The following CTU1 variants were observed in gnomAD, a reference collection of about 807,000 sequenced individuals.
CTU1 encodes the protein cytoplasmic tRNA 2-thiolation protein 1.
CTU1 carries 15 observed loss-of-function variants against 12.9 expected under a neutral mutation model. That is an observed-to-expected ratio of 1.16 (90% CI 0.78 to 1.79). CTU1 has a LOEUF of 1.79. Ranked by LOEUF, CTU1 falls within the 40% of genes most tolerant of loss-of-function variation. CTU1 has a pLI of 0.00. For synonymous variants in CTU1, 295 were observed against 275.6 expected (o/e 1.07, Z -0.70); for missense variants, 553 against 550.5 (o/e 1.00, Z -0.05).
Position 51,107,102 on chromosome 19 carries a change from G to A in CTU1, c.-22+1245C>T, listed in dbSNP as rs1007807858. On this transcript the variant is annotated intron_variant, in intron 1 of 2. Coordinates refer to ENST00000421832, the MANE Select transcript of CTU1 (RefSeq NM_145232.4). ...AGTCACCCAGTCCTGGGGGGTCCAC[G>A]TCCTGAGGAAGGGAGACGCTCGCAG... Among the ~76,000 whole-genome samples, 10 of 152,230 alleles carry A rather than the reference G, an allele frequency of 6.6e-5. No homozygotes were observed. The East Asian group carries it at 1.2e-3, about 18-fold the overall frequency.
At chr19:51,101,761 C>T (rs1224654428) in intron 2 of CTU1, among the ~76,000 whole-genome samples, 2 of 152,140 alleles carry the variant, frequency 1.3e-5, no homozygotes, top group Non-Finnish European at 2.9e-5. Context: ...TTGTAAACCA[C>T]ATTAATTAGG....
At position 51,098,448 on chromosome 19, in the gene CTU1, G is replaced by T; in HGVS notation, c.*153C>A. 4.1e-6 allele frequency: 3 copies of T among 723,172 alleles called. No individual in the cohort carries two copies. The highest frequency in any genetic ancestry group is 3.7e-6 in the Non-Finnish European group (2 of 533,728). 44.8% of individuals were successfully genotyped at this position (723,172 alleles called of 1,614,324 possible). ...CTTCCCTGAGACCTCGAAGTCTGGG[G>T]TCCCAGCTTCTTCAGGGTTTCAGGT... On this transcript the variant is annotated 3_prime_UTR_variant, in exon 3 of 3. Coordinates refer to ENST00000421832, the MANE Select transcript of CTU1 (RefSeq NM_145232.4). This position sits in a 1 kb window ranked among gnomAD's most constrained non-coding sequence, Gnocchi z 4.3.
chr19:51,098,884 A>T lies in CTU1; in HGVS notation c.764T>A (p.Leu255Gln), dbSNP rs2091899143. The change falls in exon 3 of 3, where the codon CTG becomes CAG. Residue 255 changes from leucine to glutamine, a missense_variant. Around this residue, in one of 2 missense-constraint regions of CTU1, gnomAD observed 500 missense variants for 458.5 expected, o/e 1.09. Coordinates refer to ENST00000421832, the MANE Select transcript of CTU1 (RefSeq NM_145232.4). This position sits in a 1 kb window ranked among gnomAD's most constrained non-coding sequence, Gnocchi z 4.3. ...RGHARDLLKRLEAARPSAVLD... is the reference protein window; with the variant it reads ...RGHARDLLKRQEAARPSAVLD... ...CACCGCGGACGGCCGCGCCGCCTCC[A>T]GGCGCTTGAGCAGGTCCCGGGCGTG... 6.8e-7 allele frequency: 1 copy of T among 1,468,994 alleles called. No individual in the cohort carries two copies. The highest frequency in any genetic ancestry group is 1.5e-5 in the African/African-American group (1 of 67,862). 91.0% of individuals were successfully genotyped at this position (1,468,994 alleles called of 1,614,324 possible). A position where few individuals can be genotyped will look rare whatever the true frequency, so the allele number is the denominator to read the frequency against.
In CTU1 at chr19:51,100,929, T is replaced by TTGTG. The variant is rs200966029; in HGVS notation, c.509-1794_509-1791dup. On this transcript the variant is annotated intron_variant, in intron 2 of 2. Transcript: ENST00000421832. ...GGTTTTTTTTTTTCATTTTGTTTTATTGTGCGTGTGTGTGTGTGTGTGTGT... is the reference window on the plus strand; with the variant it reads ...GGTTTTTTTTTTTCATTTTGTTTTATTGTGTGTGCGTGTGTGTGTGTGTGTGTGT... Among the ~76,000 whole-genome samples the TTGTG allele has an allele frequency of 9.6e-4, 116 of 120,900 alleles. No individual in the cohort carries two copies. The Middle Eastern group carries it at 0.019, about 20-fold the overall frequency. The allele number at this position is 120,900 out of a possible 152,430, so 79.3% of individuals were successfully genotyped here.
intron 1 of CTU1, among the ~76,000 whole-genome samples, chr19:51,107,808 G>T (rs2091924032): frequency 6.6e-6 from 1 of 152,186 alleles, no homozygotes; most frequent in African/African-American, 2.4e-5. Flanking sequence ...TTCCCTCAAA[G>T]ACTTTATGGA....
chr19:51,107,462 T>C (rs1376169281), intron 1 of CTU1, among the ~76,000 whole-genome samples: 1 of 152,030 alleles, frequency 6.6e-6, no homozygotes, highest in African/African-American at 2.4e-5. Flanking sequence ...AGACCTTGTC[T>C]CAAATAAAAA....
rs1035826444 is a variant in CTU1 at position 51,104,474 on chromosome 19, G to A, written c.96C>T (p.Ala32=). Residue 32 remains alanine, a synonymous_variant, in exon 2 of 3, where the codon GCC becomes GCT. Coordinates refer to ENST00000421832, the MANE Select transcript of CTU1 (RefSeq NM_145232.4). The stretch of plus-strand genomic sequence containing the variant: ...TGTGCAGCACCTCGGCCTCGAAGGC[G>A]GCGCAGAAGCAGGCACCGCACAGCG... The part of the protein sequence containing the change: ...GQALCGACFC[A]AFEAEVLHTV... 3.0e-6 allele frequency: 4 copies of A among 1,316,096 alleles called. No individual in the cohort carries two copies. Among genetic ancestry groups the A allele is most frequent in the Non-Finnish European group, 3.9e-6 (4 of 1,034,366 alleles). The allele number at this position is 1,316,096 out of a possible 1,614,324, so 81.5% of individuals were successfully genotyped here. A position where few individuals can be genotyped will look rare whatever the true frequency, so the allele number is the denominator to read the frequency against.
intron 2 of CTU1, among the ~76,000 whole-genome samples, chr19:51,099,831 A>G (rs1759756753): frequency 6.6e-6 from 1 of 152,158 alleles, no homozygotes; most frequent in African/African-American, 2.4e-5. Flanking sequence ...TGTAGGACAA[A>G]GGGGAATTAA....
At chr19:51,104,638 C>T (rs2091915924) in intron 1 of CTU1, 48 bp from the exon 2 acceptor site, 2 of 1,201,246 alleles carry the variant, frequency 1.7e-6, no homozygotes, top group East Asian at 3.3e-5. Flanking sequence ...TTCCGGATTG[C>T]AGGGTCCCTG....
chr19:51,099,231 C>CAG, intron 2 of CTU1, 92 bp from the exon 3 acceptor site: 1 of 1,188,866 alleles, frequency 8.4e-7, no homozygotes, highest in Non-Finnish European at 1.2e-6. Context: ...CACCAGGACC[C>CAG]AGAGAGAGAC....
chr19:51,105,773 G>C (rs2122799955), intron 1 of CTU1, among the ~76,000 whole-genome samples: 1 of 152,342 alleles, frequency 6.6e-6, no homozygotes, highest in Non-Finnish European at 1.5e-5. Flanking sequence ...CAGGCCAGGA[G>C]CTTTGGGGTC....
At chr19:51,100,995 A>G (rs926398190) in intron 2 of CTU1, among the ~76,000 whole-genome samples, 3 of 149,100 alleles carry the variant, frequency 2.0e-5, no homozygotes, top group Admixed American at 1.4e-4. Context: ...CCCAGGCTGG[A>G]GGACAGTGGC....
intron 2 of CTU1, among the ~76,000 whole-genome samples, chr19:51,100,696 G>A (rs1475440719): frequency 6.6e-6 from 1 of 152,164 alleles, no homozygotes; most frequent in Non-Finnish European, 1.5e-5. Flanking sequence ...GGACCCCCTT[G>A]CCCCAGAGCC....
chr19:51,099,012 C>T lies in CTU1; in HGVS notation c.636G>A (p.Pro212=), dbSNP rs752267680. Residue 212 remains proline (P), a synonymous_variant, in exon 3 of 3, where the codon CCG becomes CCA. Transcript: ENST00000421832. ...CCTCCTTCTGCGAGGCGAACTGCAG[C>T]GGGCGGCAGCGCGGCAGGGCGCCCC... ...GEGGALPRCR[P]LQFASQKEVV... 3.3e-6 allele frequency: 5 copies of T among 1,518,930 alleles called. No homozygotes were observed. The highest frequency in any genetic ancestry group is 1.8e-4 in the Middle Eastern group (1 of 5,606). 94.1% of individuals were successfully genotyped at this position (1,518,930 alleles called of 1,614,324 possible). A position where few individuals can be genotyped will look rare whatever the true frequency, so the allele number is the denominator to read the frequency against.
intron 1 of CTU1, among the ~76,000 whole-genome samples, chr19:51,104,802 T>C (rs564301579): frequency 6.6e-6 from 1 of 152,298 alleles, no homozygotes; most frequent in South Asian, 2.1e-4. Context: ...CTTCTTGGAT[T>C]GCACCCATTA....
chr19:51,104,344 G>A lies in CTU1; in HGVS notation c.226C>T (p.Pro76Ser), dbSNP rs780839985. Residue 76 changes from proline to serine, a missense_variant, in exon 2 of 3, where the codon CCG becomes TCG. Physicochemically the swap from Pro to Ser is moderately conservative, Grantham distance 74 (BLOSUM62 -1). This residue lies in a region of CTU1 where 500 missense variants were observed against 458.5 expected (regional missense o/e 1.09). Coordinates refer to ENST00000421832, the MANE Select transcript of CTU1 (RefSeq NM_145232.4). ...VLAHVLRALA[P>S]RLGISLQLVA... ...AGCTGCAGTGAGATGCCCAGGCGCG[G>A]CGCCAGCGCGCGCAGCACGTGCGCC... The A allele has an allele frequency of 1.3e-4, 191 of 1,455,862 alleles. 5 individuals carry two copies. The East Asian group carries it at 2.0e-3, about 15-fold the overall frequency. 90.2% of individuals were successfully genotyped at this position (1,455,862 alleles called of 1,614,324 possible).
intron 2 of CTU1, 35 bp downstream of exon 2, chr19:51,104,027 G>A (rs1171533283): frequency 8.5e-6 from 12 of 1,416,204 alleles, no homozygotes; most frequent in Admixed American, 3.0e-5. Flanking sequence ...CCACTGCCTC[G>A]GAGAGTGCCG....
Position 51,098,630 on chromosome 19 carries a change from G to C in CTU1, c.1018C>G (p.Pro340Ala), listed in dbSNP as rs2091897526. 1 of 1,310,322 alleles carries C rather than the reference G, an allele frequency of 7.6e-7. No homozygotes were observed. Among genetic ancestry groups the C allele is most frequent in the Non-Finnish European group, 9.7e-7 (1 of 1,028,858 alleles). 81.2% of individuals were successfully genotyped at this position (1,310,322 alleles called of 1,614,324 possible). A position where few individuals can be genotyped will look rare whatever the true frequency, so the allele number is the denominator to read the frequency against. The change falls in exon 3 of 3, where the codon CCC becomes GCC. Residue 340 changes from proline to alanine, a missense_variant. Physicochemically the swap from Pro to Ala is conservative, Grantham distance 27 (BLOSUM62 -1). Coordinates refer to ENST00000421832, the MANE Select transcript of CTU1 (RefSeq NM_145232.4). The surrounding 1 kb of genome is among the most constrained non-coding windows in gnomAD (Gnocchi z 4.3). ...PGTPGDPARP[P>A]ASKAVPTF The stretch of plus-strand genomic sequence containing the variant: ...AAGGTGGGGACGGCCTTGGAGGCGG[G>C]GGGCCGGGCCGGATCCCCGGGCGTC...
chr19:51,106,839 C>G (rs1469200408), intron 1 of CTU1, among the ~76,000 whole-genome samples: 1 of 152,194 alleles, frequency 6.6e-6, no homozygotes, highest in African/African-American at 2.4e-5. Context: ...TTATGAGCGC[C>G]TCTGAATCAT....
Sources: gnomAD v4.1 joint callset for allele counts (sites outside exome capture counted in the v4.1 genomes callset) on GRCh38, gnomAD v4.1.1 for gene constraint, gnomAD v4.1.1 regional missense constraint, Gnocchi (gnomAD v3.1) non-coding constraint, MANE v1.5 for transcripts, NCBI Gene and HGNC (gene_info 2026-07-23, HGNC 2026-07-21) for gene names.